The following PIK3CD variants were observed in gnomAD, a reference collection of about 807,000 sequenced individuals.
The protein encoded by PIK3CD is phosphatidylinositol-4,5-bisphosphate 3-kinase catalytic subunit delta, also known as phosphatidylinositol 4,5-bisphosphate 3-kinase catalytic subunit delta isoform.
PIK3CD carries 20 observed loss-of-function variants against 122.9 expected under a neutral mutation model. That is an observed-to-expected ratio of 0.16 (90% CI 0.11 to 0.24). The LOEUF is 0.24. Among genes scored for constraint, PIK3CD ranks in the 10% least tolerant of loss-of-function variants. The probability of loss-of-function intolerance (pLI) is 1.00; values close to 1 mark genes in which losing one functional copy is unlikely to be tolerated. For synonymous variants in PIK3CD, 596 were observed against 593.4 expected (o/e 1.00, Z -0.06); for missense variants, 787 against 1,406.3 (o/e 0.56, Z 7.04).
In PIK3CD at chr1:9,719,822, G is replaced by A; in HGVS notation, c.1243-99G>A. Reference sequence around the variant, plus strand: ...GGGTCTGGTTGGGAGATGTTAGCTGGGCTCTGGGTCTTCTCGGGTGGGGTG... The same window carrying A: ...GGGTCTGGTTGGGAGATGTTAGCTGAGCTCTGGGTCTTCTCGGGTGGGGTG... On this transcript the variant is annotated intron_variant, in intron 9 of 23. Coordinates refer to ENST00000377346, the MANE Select transcript of PIK3CD (RefSeq NM_005026.5). This position sits in a 1 kb window ranked among gnomAD's most constrained non-coding sequence, Gnocchi z 5.5. 1 of 951,724 alleles carries A rather than the reference G, an allele frequency of 1.1e-6. No individual in the cohort carries two copies. Among genetic ancestry groups the A allele is most frequent in the Non-Finnish European group, 1.7e-6 (1 of 577,268 alleles). The allele number at this position is 951,724 out of a possible 1,614,324, so 59.0% of individuals were successfully genotyped here.
chr1:9,717,140 C>T lies in PIK3CD; in HGVS notation c.930+32C>T. ...TGGCGCCTTCCGCCTCCCCTCTGAG[C>T]CACCCCTTCTTTCCACCTGGCGTCC... On this transcript the variant is annotated intron_variant, in intron 7 of 23. Transcript: ENST00000377346. The surrounding 1 kb of genome is among the most constrained non-coding windows in gnomAD (Gnocchi z 5.4). 6.2e-7 allele frequency: 1 copy of T among 1,613,322 alleles called. No individual in the cohort carries two copies. The highest frequency in any genetic ancestry group is 8.5e-7 in the Non-Finnish European group (1 of 1,179,722).
Position 9,720,643 on chromosome 1 carries a change from G to A in PIK3CD, c.1503G>A (p.Val501=), listed in dbSNP as rs577709153. 2.2e-4 allele frequency: 268 copies of A among 1,220,292 alleles called. 1 individual carries two copies. Among genetic ancestry groups the A allele is most frequent in the Non-Finnish European group, 2.8e-4 (261 of 918,436 alleles). 75.6% of individuals were successfully genotyped at this position (1,220,292 alleles called of 1,614,324 possible). A position where few individuals can be genotyped will look rare whatever the true frequency, so the allele number is the denominator to read the frequency against. ...ILELGRHSEC[V]HVTEEEQLQL... ...AGCTGGGGCGACACAGCGAGTGTGT[G>A]CATGTCACCGAGGAGGAGGTGAGTG... is the stretch of plus-strand genomic sequence containing the variant. Residue 501 remains valine (V), a synonymous_variant, in exon 12 of 24, where the codon GTG becomes GTA. Transcript: ENST00000377346. The surrounding 1 kb of genome is among the most constrained non-coding windows in gnomAD (Gnocchi z 9.0).
intron 1 of PIK3CD, among the ~76,000 whole-genome samples, chr1:9,655,846 G>A (rs1410414474): frequency 6.6e-6 from 1 of 151,782 alleles, no homozygotes; most frequent in Admixed American, 6.6e-5. Context: ...ACAGATGTGC[G>A]CCACTATGGC....
At position 9,652,054 on chromosome 1, in the gene PIK3CD, G is replaced by T. The variant is rs1175075203; in HGVS notation, c.-138+252G>T. Among the ~76,000 whole-genome samples the T allele has an allele frequency of 6.6e-6, 1 of 151,832 alleles. No homozygotes were observed. The highest frequency in any genetic ancestry group is 1.5e-5 in the Non-Finnish European group (1 of 67,922). On this transcript the variant is annotated intron_variant, in intron 1 of 23. Coordinates refer to ENST00000377346, the MANE Select transcript of PIK3CD (RefSeq NM_005026.5). This position sits in a 1 kb window ranked among gnomAD's most constrained non-coding sequence, Gnocchi z 6.2. ...GCCCGGGGCCGTCCCCCGTGGGCCC[G>T]CCGAGAGGGGCGTGCGCAGCTCCCC...
chr1:9,723,200 C>T lies in PIK3CD; in HGVS notation c.2502C>T (p.Ile834=), dbSNP rs573418132. 52 of 1,613,762 alleles carry T rather than the reference C, an allele frequency of 3.2e-5. No homozygotes were observed. The Middle Eastern group carries it at 4.9e-4, about 15-fold the overall frequency. The change falls in exon 20 of 24, where the codon ATC becomes ATT. Residue 834 remains isoleucine (I), a synonymous_variant. Coordinates refer to ENST00000377346, the MANE Select transcript of PIK3CD (RefSeq NM_005026.5). The surrounding 1 kb of genome is among the most constrained non-coding windows in gnomAD (Gnocchi z 4.9). ...LIEVVLRSDT[I]ANIQLNKSNM... Reference sequence around the variant, plus strand: ...AGGTGGTACTCCGTTCAGACACCATCGCCAACATCCAACTCAACAAGAGCA... The same window carrying T: ...AGGTGGTACTCCGTTCAGACACCATTGCCAACATCCAACTCAACAAGAGCA...
Position 9,717,435 on chromosome 1 carries a change from G to GA in PIK3CD, c.931-101dup. ...GGCCCAAACCTGGCCGCAAACCTGT[G>GA]ACCCTCTCACCCGCCCCCAAGTGGT... On this transcript the variant is annotated intron_variant, in intron 7 of 23. Transcript: ENST00000377346. This position sits in a 1 kb window ranked among gnomAD's most constrained non-coding sequence, Gnocchi z 5.4. 1 of 1,161,142 alleles carries GA rather than the reference G, an allele frequency of 8.6e-7. No individual in the cohort carries two copies. 71.9% of individuals were successfully genotyped at this position (1,161,142 alleles called of 1,614,324 possible).
chr1:9,653,469 G>A (rs766057718), intron 1 of PIK3CD: 2 of 249,818 alleles, frequency 8.0e-6, no homozygotes, highest in African/African-American at 4.5e-5. Context: ...ACGCCAGCGC[G>A]TTTAATCATC....
the PIK3CD span, among the ~76,000 whole-genome samples, chr1:9,629,074 A>G: frequency 6.6e-6 from 1 of 151,938 alleles, no homozygotes; most frequent in African/African-American, 2.4e-5. Context: ...CACCCCAGTG[A>G]GGCCACCTGA....
At chr1:9,709,880 C>T (rs773586905) in intron 2 of PIK3CD, among the ~76,000 whole-genome samples, 13 of 152,054 alleles carry the variant, frequency 8.5e-5, no homozygotes, top group Admixed American at 1.3e-4. Flanking sequence ...GTAACGCATG[C>T]CTGTAATTCC....
Position 9,682,746 on chromosome 1 carries a change from C to T in PIK3CD, c.-137-8721C>T, listed in dbSNP as rs566059162. Among the ~76,000 whole-genome samples, 4 of 142,892 alleles carry T rather than the reference C, an allele frequency of 2.8e-5. 1 individual carries two copies. In the East Asian group the frequency reaches 8.5e-4, roughly 31 times the overall value. The allele number at this position is 142,892 out of a possible 152,430, so 93.7% of individuals were successfully genotyped here. A position where few individuals can be genotyped will look rare whatever the true frequency, so the allele number is the denominator to read the frequency against. ...TGTGTTTTTAGTAGAGACAGGGTTTCACCATGTTGGCCAGGCTGGTCTCAA... is the reference window on the plus strand; with the variant it reads ...TGTGTTTTTAGTAGAGACAGGGTTTTACCATGTTGGCCAGGCTGGTCTCAA... On this transcript the variant is annotated intron_variant, in intron 1 of 23. Transcript: ENST00000377346.
Position 9,724,670 on chromosome 1 carries a change from G to A in PIK3CD, c.2865-134G>A. ...GGCACGGGGGTCAGTTAGCAGAACT[G>A]GAGGCCTTGTGTCCACCCATTATCA... On this transcript the variant is annotated intron_variant, in intron 22 of 23. Coordinates refer to ENST00000377346, the MANE Select transcript of PIK3CD (RefSeq NM_005026.5). The surrounding 1 kb of genome is among the most constrained non-coding windows in gnomAD (Gnocchi z 7.3). 8.1e-7 allele frequency: 1 copy of A among 1,232,872 alleles called. No individual in the cohort carries two copies. Among genetic ancestry groups the A allele is most frequent in the South Asian group, 1.2e-5 (1 of 82,776 alleles). The allele number at this position is 1,232,872 out of a possible 1,614,324, so 76.4% of individuals were successfully genotyped here. A position where few individuals can be genotyped will look rare whatever the true frequency, so the allele number is the denominator to read the frequency against.
chr1:9,670,726 C>T (rs978108609), intron 1 of PIK3CD, among the ~76,000 whole-genome samples: 3 of 152,096 alleles, frequency 2.0e-5, no homozygotes, highest in Admixed American at 2.0e-4. Context: ...GAGGCCCACA[C>T]TGTGGTAGGG....
intron 3 of PIK3CD, among the ~76,000 whole-genome samples, chr1:9,714,881 A>G (rs1557658513): frequency 6.6e-6 from 1 of 152,102 alleles, no homozygotes; most frequent in Admixed American, 6.6e-5. Context: ...ACATTTAAAA[A>G]TCAGGGTTGC....
intron 1 of PIK3CD, among the ~76,000 whole-genome samples, chr1:9,665,736 T>C (rs2100900337): frequency 6.6e-6 from 1 of 152,144 alleles, no homozygotes; most frequent in South Asian, 2.1e-4. Flanking sequence ...GCTTTCGTCA[T>C]CCTATAAACC....
chr1:9,697,120 C>T (rs1428172820), intron 2 of PIK3CD, among the ~76,000 whole-genome samples: 1 of 151,252 alleles, frequency 6.6e-6, no homozygotes, highest in African/African-American at 2.4e-5. Context: ...CCCTGTAATC[C>T]TAGCACTTTG....
chr1:9,631,682 G>C, the PIK3CD span, among the ~76,000 whole-genome samples: 1 of 152,168 alleles, frequency 6.6e-6, no homozygotes. Context: ...AAAAAAGGGA[G>C]GGGGGCAGGT....
intron 13 of PIK3CD, 93 bp from the exon 14 acceptor site, chr1:9,721,034 C>A: frequency 6.9e-7 from 1 of 1,443,408 alleles, no homozygotes; most frequent in Non-Finnish European, 9.5e-7. Flanking sequence ...CCCTGGCCAC[C>A]CACCACCCTG....
chr1:9,695,284 T>A lies in PIK3CD; in HGVS notation c.-33+3713T>A, dbSNP rs116311303. Among the ~76,000 whole-genome samples, 883 of 151,416 alleles carry A rather than the reference T, an allele frequency of 5.8e-3. 7 individuals carry two copies. The highest frequency in any genetic ancestry group is 0.021 in the African/African-American group (847 of 41,226). On this transcript the variant is annotated intron_variant, in intron 2 of 23. Coordinates refer to ENST00000377346, the MANE Select transcript of PIK3CD (RefSeq NM_005026.5). ...TCCAGGAGACCCAGCATGCACCACA[T>A]AGGAGCTCAAGAAAAAAAGGCAAGA... is the stretch of plus-strand genomic sequence containing the variant.
the PIK3CD span, among the ~76,000 whole-genome samples, chr1:9,637,844 C>T: frequency 3.5e-4 from 54 of 152,268 alleles, no homozygotes; most frequent in Non-Finnish European, 6.8e-4. Context: ...GGCTGGGCGC[C>T]ATGGCTCCCA....
Sources: allele counts gnomAD v4.1 joint callset (sites outside exome capture counted in the v4.1 genomes callset), GRCh38; gene constraint gnomAD v4.1.1; non-coding constraint Gnocchi (gnomAD v3.1); transcripts MANE v1.5; gene names NCBI Gene and HGNC (gene_info 2026-07-23, HGNC 2026-07-21).